The following B3GALT1 variants were observed in gnomAD, a reference collection of about 807,000 sequenced individuals.
The protein encoded by B3GALT1 is beta-1,3-galactosyltransferase 1.
B3GALT1 carries 10 observed loss-of-function variants against 23.2 expected under a neutral mutation model. The observed-to-expected ratio is 0.43, with a 90% CI of 0.27 to 0.73. The LOEUF (loss-of-function observed/expected upper bound fraction) is 0.73, where lower values mean the gene tolerates loss of function less well. Ranked by LOEUF, B3GALT1 falls within the 30% of genes least tolerant of loss-of-function variation. The probability of loss-of-function intolerance (pLI) is 0.21; values close to 1 mark genes in which losing one functional copy is unlikely to be tolerated. For synonymous variants in B3GALT1, 156 were observed against 141.5 expected (o/e 1.10, Z -0.73); for missense variants, 299 against 405.4 (o/e 0.74, Z 2.25).
intron 3 of B3GALT1, among the ~76,000 whole-genome samples, chr2:167,720,430 A>G (rs1687212649): frequency 6.6e-6 from 1 of 152,160 alleles, no homozygotes; most frequent in South Asian, 2.1e-4. Context: ...CAGTTTTTGT[A>G]TTCAGATGAT....
intron 1 of B3GALT1, among the ~76,000 whole-genome samples, chr2:167,488,019 A>T (rs972533129): frequency 6.6e-5 from 10 of 152,202 alleles, no homozygotes; most frequent in Non-Finnish European, 1.5e-4. Flanking sequence ...ATGCCTTAGG[A>T]CATAGACGAC....
chr2:167,454,003 T>C (rs1037243821), intron 1 of B3GALT1, among the ~76,000 whole-genome samples: 1 of 152,224 alleles, frequency 6.6e-6, no homozygotes, highest in Non-Finnish European at 1.5e-5. Context: ...ACAGTTCTAT[T>C]TATCCACATC....
intron 2 of B3GALT1, among the ~76,000 whole-genome samples, chr2:167,501,752 G>C (rs1171367694): frequency 6.7e-6 from 1 of 149,460 alleles, no homozygotes; most frequent in Non-Finnish European, 1.5e-5. Flanking sequence ...AAGTCAGTGA[G>C]GCTGAGCAAC....
At chr2:167,747,608 A>G (rs1250929776) in intron 3 of B3GALT1, among the ~76,000 whole-genome samples, 2 of 152,204 alleles carry the variant, frequency 1.3e-5, no homozygotes, top group Non-Finnish European at 1.5e-5. Context: ...GTTTTGCCCA[A>G]CCTTGGTCCT....
intron 2 of B3GALT1, among the ~76,000 whole-genome samples, chr2:167,587,931 G>A (rs184247188): frequency 3.3e-5 from 5 of 152,290 alleles, no homozygotes; most frequent in African/African-American, 9.6e-5. Flanking sequence ...TTCAGGTTCC[G>A]TAGCTTGTGG....
intron 2 of B3GALT1, among the ~76,000 whole-genome samples, chr2:167,509,645 G>GGAGGTACAAAGACCT (rs1247244408): frequency 6.6e-5 from 10 of 152,150 alleles, no homozygotes; most frequent in African/African-American, 2.2e-4. Flanking sequence ...AAAAGCATTA[G>GGAGGTACAAAGACCT]GAGGTACAAA....
At chr2:167,606,286 T>TG (rs1401664816) in intron 2 of B3GALT1, among the ~76,000 whole-genome samples, 2 of 152,190 alleles carry the variant, frequency 1.3e-5, no homozygotes, top group African/African-American at 2.4e-5. Context: ...AAGAAACCTA[T>TG]GGGGGAATGT....
chr2:167,848,030 C>G (rs543557664), intron 4 of B3GALT1, among the ~76,000 whole-genome samples: 1 of 151,964 alleles, frequency 6.6e-6, no homozygotes, highest in Non-Finnish European at 1.5e-5. Flanking sequence ...ACCCTCCTAG[C>G]TTAAATCAGG....
chr2:167,506,787 GGA>G (rs1699924475), intron 2 of B3GALT1, among the ~76,000 whole-genome samples: 1 of 144,432 alleles, frequency 6.9e-6, no homozygotes, highest in Non-Finnish European at 1.5e-5. Flanking sequence ...ATTTGGATTT[GGA>G]TGGTGGAGAA....
At chr2:167,314,800 CCTT>C (rs891338797) in intron 1 of B3GALT1, among the ~76,000 whole-genome samples, 6 of 152,114 alleles carry the variant, frequency 3.9e-5, no homozygotes, top group Non-Finnish European at 7.4e-5. Flanking sequence ...TTCTGAACTT[CCTT>C]CTTCTCACAA....
At chr2:167,304,667 G>A (rs983308693) in intron 1 of B3GALT1, among the ~76,000 whole-genome samples, 27 of 152,106 alleles carry the variant, frequency 1.8e-4, no homozygotes, top group African/African-American at 6.5e-4. Flanking sequence ...GAGAGACAGA[G>A]ACAGAGAGAC....
At chr2:167,341,357 A>C (rs528072192) in intron 1 of B3GALT1, among the ~76,000 whole-genome samples, 2 of 152,324 alleles carry the variant, frequency 1.3e-5, no homozygotes, top group East Asian at 3.9e-4. Context: ...TGATAGCAGA[A>C]AAAGGTAAAA....
intron 3 of B3GALT1, among the ~76,000 whole-genome samples, chr2:167,802,633 A>G (rs183744835): frequency 6.6e-6 from 1 of 152,360 alleles, no homozygotes; most frequent in Admixed American, 6.5e-5. Flanking sequence ...AATGATTCTT[A>G]TAATGGAACT....
chr2:167,303,088 G>T (rs914953810), intron 1 of B3GALT1, among the ~76,000 whole-genome samples: 1 of 152,068 alleles, frequency 6.6e-6, no homozygotes, highest in African/African-American at 2.4e-5. Flanking sequence ...TATTGGAAAA[G>T]AATAAAAGAG....
chr2:167,581,820 T>G (rs1243139135), intron 2 of B3GALT1, among the ~76,000 whole-genome samples: 1 of 152,222 alleles, frequency 6.6e-6, no homozygotes, highest in African/African-American at 2.4e-5. Flanking sequence ...CTATCCTGTT[T>G]ATTTATGTAT....
chr2:167,576,520 G>GTTTTTTTTTTGTTTTTTT (rs1558912483), intron 2 of B3GALT1, among the ~76,000 whole-genome samples: 21 of 122,414 alleles, frequency 1.7e-4, no homozygotes, highest in East Asian at 1.1e-3. Context: ...TTGTTTTTCT[G>GTTTTTTTTTTGTTTTTTT]TTTTTTTTTT....
At chr2:167,688,390 G>T (rs944463638) in intron 3 of B3GALT1, among the ~76,000 whole-genome samples, 6 of 151,822 alleles carry the variant, frequency 4.0e-5, no homozygotes, top group African/African-American at 1.5e-4. Context: ...AAGCAATTAC[G>T]AACACACTTA....
chr2:167,864,734 A>G (rs1230626196), intron 4 of B3GALT1, among the ~76,000 whole-genome samples: 1 of 152,158 alleles, frequency 6.6e-6, no homozygotes, highest in Non-Finnish European at 1.5e-5. Context: ...ATCTTGAGCA[A>G]GCTACTGAAT....
intron 2 of B3GALT1, among the ~76,000 whole-genome samples, chr2:167,551,759 A>G (rs182620336): frequency 5.5e-4 from 83 of 152,202 alleles, no homozygotes; most frequent in African/African-American, 1.9e-3. Flanking sequence ...CAGAGGCACC[A>G]TATGGGGTAG....
Sources: gnomAD v4.1 joint callset for allele counts (sites outside exome capture counted in the v4.1 genomes callset) on GRCh38, gnomAD v4.1.1 for gene constraint, MANE v1.5 for transcripts, NCBI Gene and HGNC (gene_info 2026-07-23, HGNC 2026-07-21) for gene names.